Variants in CNR1 observed in about 807,000 individuals in gnomAD.
The protein encoded by CNR1 is cannabinoid receptor 1 (brain).
In CNR1, 10 loss-of-function variants were observed where a neutral mutation model predicts 23.0. The ratio of observed to expected loss-of-function variants is 0.43; its 90% CI spans 0.27 to 0.74. The LOEUF is 0.74. Among genes scored for constraint, CNR1 ranks in the 30% least tolerant of loss-of-function variants. CNR1 has a pLI of 0.19. For missense variants in CNR1, 422 were observed against 618.8 expected, an observed-to-expected ratio of 0.68 and a Z score of 3.37; for synonymous variants, 271 against 255.2, an observed-to-expected ratio of 1.06 and a Z score of -0.59.
intron 1 of CNR1, among the ~76,000 whole-genome samples, chr6:88,156,068 C>G (rs1054312789): frequency 6.6e-6 from 1 of 152,072 alleles, no homozygotes; most frequent in Non-Finnish European, 1.5e-5. Flanking sequence ...TTTCTTAGAC[C>G]AGGGAGAAGA....
At chr6:88,165,053 G>GC (rs1778300014) in intron 1 of CNR1, among the ~76,000 whole-genome samples, 1 of 152,112 alleles carries the variant, frequency 6.6e-6, no homozygotes, top group Non-Finnish European at 1.5e-5. Flanking sequence ...CATTTCTTTT[G>GC]TTTTTTTATC....
chr6:88,153,550 T>A (rs988050228), intron 1 of CNR1, among the ~76,000 whole-genome samples: 1 of 152,208 alleles, frequency 6.6e-6, no homozygotes, highest in African/African-American at 2.4e-5. Flanking sequence ...TCCAGTCCCT[T>A]GCTTAACTTG....
intron 1 of CNR1, among the ~76,000 whole-genome samples, chr6:88,154,638 G>C (rs1414821083): frequency 1.3e-5 from 2 of 152,070 alleles, no homozygotes; most frequent in Admixed American, 6.5e-5. Context: ...GAGTGCAGTG[G>C]TGTGATCTCA....
rs1173961197 is a variant in CNR1 at position 88,139,969 on chromosome 6, A to G, written c.*3887T>C. 2.0e-5 allele frequency: 3 copies of G among 152,416 alleles called. No individual in the cohort carries two copies. The highest frequency in any genetic ancestry group is 7.2e-5 in the African/African-American group (3 of 41,470). 9.4% of individuals were successfully genotyped at this position (152,416 alleles called of 1,614,324 possible). ...CTTTGAATAAGTTAACAGTTTAATT[A>G]CATTGAAATAAAATATACTGTGGGC... On this transcript the variant is annotated 3_prime_UTR_variant, in exon 2 of 2. Coordinates refer to ENST00000369501, the MANE Select transcript of CNR1 (RefSeq NM_016083.6).
Position 88,160,240 on chromosome 6 carries a change from G to A in CNR1, c.-64+5563C>T, listed in dbSNP as rs188545279. ...CAGGAAGCGGAGGCTGCAGTGAGCC[G>A]AGATTGTGCCATTGCACTCCAGCCT... On this transcript the variant is annotated intron_variant, in intron 1 of 1. Coordinates refer to ENST00000369501, the MANE Select transcript of CNR1 (RefSeq NM_016083.6). Among the ~76,000 whole-genome samples the A allele has an allele frequency of 3.0e-3, 452 of 152,040 alleles. 3 individuals are homozygous for A. The highest frequency in any genetic ancestry group is 0.01 in the African/African-American group (430 of 41,508).
chr6:88,148,201 C>T (rs1777311776), intron 1 of CNR1, among the ~76,000 whole-genome samples: 1 of 152,216 alleles, frequency 6.6e-6, no homozygotes, highest in South Asian at 2.1e-4. Flanking sequence ...TCCTCCCCAT[C>T]ACTTTGATGT....
At chr6:88,149,304 C>G (rs1300136879) in intron 1 of CNR1, among the ~76,000 whole-genome samples, 1 of 152,166 alleles carries the variant, frequency 6.6e-6, no homozygotes, top group Non-Finnish European at 1.5e-5. Context: ...CTCGAGTATC[C>G]TTAGTATCCT....
Position 88,143,976 on chromosome 6 carries a change from G to C in CNR1, c.1299C>G (p.His433Gln). 1.2e-6 allele frequency: 2 copies of C among 1,614,078 alleles called. No homozygotes were observed. Among genetic ancestry groups the C allele is most frequent in the Non-Finnish European group, 1.7e-6 (2 of 1,180,028 alleles). Residue 433 changes from histidine (H) to glutamine (Q), a missense_variant, in exon 2 of 2, where the codon CAC (histidine) becomes CAG (glutamine). This residue lies in a region of CNR1 where 79 missense variants were observed against 98.0 expected (regional missense o/e 0.81). Coordinates refer to ENST00000369501, the MANE Select transcript of CNR1 (RefSeq NM_016083.6). ...DNSMGDSDCL[H>Q]KHANNAASVH... ...CACTGGCTGCATTGTTTGCGTGTTTGTGCAGGCAGTCCGAGTCCCCCATGC... is the reference window on the plus strand; with the variant it reads ...CACTGGCTGCATTGTTTGCGTGTTTCTGCAGGCAGTCCGAGTCCCCCATGC...
rs971832602 is a variant in CNR1 at position 88,141,362 on chromosome 6, C to T, written c.*2494G>A. On this transcript the variant is annotated 3_prime_UTR_variant, in exon 2 of 2. Transcript: ENST00000369501. ...AAGCACCAAGTTTAGTGCTGTCAGCCCCATTGTCCCTTAATTTATTATATA... is the reference window on the plus strand; with the variant it reads ...AAGCACCAAGTTTAGTGCTGTCAGCTCCATTGTCCCTTAATTTATTATATA... The T allele has an allele frequency of 6.5e-6, 1 of 152,678 alleles. No individual in the cohort carries two copies. Among genetic ancestry groups the T allele is most frequent in the African/African-American group, 2.4e-5 (1 of 41,410 alleles). 9.5% of individuals were successfully genotyped at this position (152,678 alleles called of 1,614,324 possible).
At chr6:88,147,731 C>T (rs1265238638) in intron 1 of CNR1, 1 of 152,248 alleles carries the variant, frequency 6.6e-6, no homozygotes, top group African/African-American at 2.4e-5. Flanking sequence ...TTTTTGATCA[C>T]TTGCCACACA....
Position 88,144,832 on chromosome 6 carries a change from C to T in CNR1, c.443G>A (p.Arg148His), listed in dbSNP as rs1274654924. 7 of 1,614,166 alleles carry T rather than the reference C, an allele frequency of 4.3e-6. No individual in the cohort carries two copies. Among genetic ancestry groups the T allele is most frequent in the South Asian group, 3.3e-5 (3 of 91,080 alleles). ...GATGAAGTGGTAGGAAGGCCTGCAG[C>T]GGAGGCTGCGGGAGTGGAGGATGAC... ...LCVILHSRSL[R>H]CRPSYHFIGS... The change falls in exon 2 of 2, where the codon CGC becomes CAC. Residue 148 changes from arginine (R) to histidine (H), a missense_variant. Physicochemically the swap from Arg to His is conservative, Grantham distance 29. Around this residue, in one of 4 missense-constraint regions of CNR1, gnomAD observed 211 missense variants for 357.3 expected, o/e 0.59. Transcript: ENST00000369501. The surrounding 1 kb of genome is among the most constrained non-coding windows in gnomAD (Gnocchi z 7.8).
intron 1 of CNR1, among the ~76,000 whole-genome samples, chr6:88,156,008 GA>G (rs1777774701): frequency 6.6e-6 from 1 of 152,152 alleles, no homozygotes; most frequent in Non-Finnish European, 1.5e-5. Flanking sequence ...CCTACATGGA[GA>G]AATTCAAACA....
chr6:88,162,733 A>C (rs1330490443), intron 1 of CNR1, among the ~76,000 whole-genome samples: 2 of 152,244 alleles, frequency 1.3e-5, no homozygotes, highest in Admixed American at 6.5e-5. Context: ...ACCAGTCTTC[A>C]GTATATAAGA....
rs1776967859 is a variant in CNR1 at position 88,143,795 on chromosome 6, T to C, written c.*61A>G. ...ATATAACCAAGGAGACAATAGACTC[T>C]TCTAGATTTTGAGCTTAAAAAAAAA... is the stretch of plus-strand genomic sequence containing the variant. On this transcript the variant is annotated 3_prime_UTR_variant, in exon 2 of 2. Coordinates refer to ENST00000369501, the MANE Select transcript of CNR1 (RefSeq NM_016083.6). The C allele has an allele frequency of 2.4e-6, 3 of 1,258,210 alleles. No individual in the cohort carries two copies. Among genetic ancestry groups the C allele is most frequent in the African/African-American group, 3.0e-5 (2 of 67,060 alleles). 77.9% of individuals were successfully genotyped at this position (1,258,210 alleles called of 1,614,324 possible). A position where few individuals can be genotyped will look rare whatever the true frequency, so the allele number is the denominator to read the frequency against.
Position 88,143,646 on chromosome 6 carries a change from G to C in CNR1, c.*210C>G, listed in dbSNP as rs758335169. 3.8e-6 allele frequency: 2 copies of C among 528,898 alleles called. No individual in the cohort carries two copies. Among genetic ancestry groups the C allele is most frequent in the Non-Finnish European group, 6.7e-6 (2 of 299,792 alleles). 32.8% of individuals were successfully genotyped at this position (528,898 alleles called of 1,614,324 possible). ...GGATCGTTCAGTCACTTAAACAACAGGCTTTCTTCACTGTAAACCCCTGGA... is the reference window on the plus strand; with the variant it reads ...GGATCGTTCAGTCACTTAAACAACACGCTTTCTTCACTGTAAACCCCTGGA... On this transcript the variant is annotated 3_prime_UTR_variant, in exon 2 of 2. Coordinates refer to ENST00000369501, the MANE Select transcript of CNR1 (RefSeq NM_016083.6).
In CNR1 at chr6:88,161,468, T is replaced by C. The variant is rs187216523; in HGVS notation, c.-64+4335A>G. On this transcript the variant is annotated intron_variant, in intron 1 of 1. Transcript: ENST00000369501. ...AGGCTGTCCATTATTAATTCATCTA[T>C]ATGGAAAATACTTCAAATATATGGA... 1.7e-3 allele frequency among the ~76,000 whole-genome samples: 254 copies of C among 152,310 alleles called. 2 individuals are homozygous for C. Among genetic ancestry groups the C allele is most frequent in the African/African-American group, 5.3e-3 (222 of 41,560 alleles).
intron 1 of CNR1, chr6:88,164,377 C>G (rs1778259908): frequency 6.6e-6 from 1 of 152,368 alleles, no homozygotes; most frequent in Admixed American, 6.5e-5. Context: ...TGTCCCACAT[C>G]AAGTCTCTTG....
intron 1 of CNR1, among the ~76,000 whole-genome samples, chr6:88,157,784 C>T (rs1013238583): frequency 2.0e-5 from 3 of 152,074 alleles, no homozygotes; most frequent in African/African-American, 7.2e-5. Flanking sequence ...CACTACTGGT[C>T]CTAACTCTGT....
Position 88,144,323 on chromosome 6 carries a change from T to G in CNR1, c.952A>C (p.Ile318Leu), listed in dbSNP as rs1455179069. 5.6e-6 allele frequency: 9 copies of G among 1,613,152 alleles called. No homozygotes were observed. The highest frequency in any genetic ancestry group is 4.0e-5 in the African/African-American group (3 of 74,896). Residue 318 changes from isoleucine (I) to leucine (L), a missense_variant, in exon 2 of 2, where the codon ATC becomes CTC. Ile to Leu is a conservative substitution (Grantham distance 5, BLOSUM62 2). Coordinates refer to ENST00000369501, the MANE Select transcript of CNR1 (RefSeq NM_016083.6). This position sits in a 1 kb window ranked among gnomAD's most constrained non-coding sequence, Gnocchi z 7.8. Reference protein sequence around the residue: ...MIQRGTQKSIIIHTSEDGKVQ... With the variant: ...MIQRGTQKSILIHTSEDGKVQ... The stretch of plus-strand genomic sequence containing the variant: ...TTCCCATCCTCAGACGTGTGGATGA[T>G]GATGCTCTTCTGGGTGCCACGCTGA...
Sources: allele counts gnomAD v4.1 joint callset (sites outside exome capture counted in the v4.1 genomes callset), GRCh38; gene constraint gnomAD v4.1.1; regional missense constraint gnomAD v4.1.1; non-coding constraint Gnocchi (gnomAD v3.1); transcripts MANE v1.5; gene names NCBI Gene and HGNC (gene_info 2026-07-23, HGNC 2026-07-21).